GRID2: variants seen among roughly 807,000 people sequenced by gnomAD.
GRID2 encodes the protein glutamate receptor ionotropic, delta-2.
In GRID2, 33 loss-of-function variants were observed where a neutral mutation model predicts 114.8. That is an observed-to-expected ratio of 0.29 (90% CI 0.22 to 0.38). The LOEUF (loss-of-function observed/expected upper bound fraction) is 0.38. Ranked by LOEUF, GRID2 falls within the 10% of genes least tolerant of loss-of-function variation. The probability of loss-of-function intolerance (pLI) is 1.00; values close to 1 mark genes in which losing one functional copy is unlikely to be tolerated. For missense variants in GRID2, 1,184 were observed against 1,257.7 expected, an observed-to-expected ratio of 0.94 and a Z score of 0.89; for synonymous variants, 505 against 449.9, an observed-to-expected ratio of 1.12 and a Z score of -1.55.
At chr4:93,171,277 G>A (rs1738792861) in intron 4 of GRID2, among the ~76,000 whole-genome samples, 1 of 152,066 alleles carries the variant, frequency 6.6e-6, no homozygotes, top group African/African-American at 2.4e-5. Flanking sequence ...TCTCAACTGT[G>A]TGGTCTTTCC....
At chr4:93,071,334 A>G (rs1728785819) in intron 2 of GRID2, among the ~76,000 whole-genome samples, 1 of 152,094 alleles carries the variant, frequency 6.6e-6, no homozygotes, top group Non-Finnish European at 1.5e-5. Flanking sequence ...CATTCACGAC[A>G]TGTTCATTAG....
At chr4:93,356,533 GCTTA>G (rs761691831) in intron 8 of GRID2, among the ~76,000 whole-genome samples, 1 of 151,566 alleles carries the variant, frequency 6.6e-6, no homozygotes, top group Non-Finnish European at 1.5e-5. Context: ...TGAATTGAAT[GCTTA>G]CTTCATGTAT....
chr4:92,946,702 A>G (rs901815052), intron 2 of GRID2, among the ~76,000 whole-genome samples: 1 of 152,096 alleles, frequency 6.6e-6, no homozygotes, highest in Non-Finnish European at 1.5e-5. Flanking sequence ...CATCAGATGG[A>G]CAGAAAGTCT....
chr4:93,092,906 C>T (rs1730908656), intron 3 of GRID2, among the ~76,000 whole-genome samples: 1 of 151,872 alleles, frequency 6.6e-6, no homozygotes, highest in Admixed American at 6.6e-5. Context: ...TTGTACAGAG[C>T]TATGAGAACA....
chr4:92,641,640 A>C (rs1731358591), intron 2 of GRID2, among the ~76,000 whole-genome samples: 1 of 151,864 alleles, frequency 6.6e-6, no homozygotes, highest in East Asian at 1.9e-4. Context: ...ATAATCATAT[A>C]TGCTTGAAGT....
Position 93,331,691 on chromosome 4 carries a change from A to G in GRID2, c.1246-63916A>G, listed in dbSNP as rs562586180. On this transcript the variant is annotated intron_variant, in intron 8 of 15. Coordinates refer to ENST00000282020, the MANE Select transcript of GRID2 (RefSeq NM_001510.4). ...TACATACACATATATAGGAGTTAAT[A>G]TAGCAAAATGCATTAGTGTGCAGGA... 2.0e-5 allele frequency among the ~76,000 whole-genome samples: 3 copies of G among 152,266 alleles called. No individual in the cohort carries two copies. In the South Asian group the frequency reaches 6.2e-4, roughly 32 times the overall value.
chr4:93,348,920 G>A (rs1208299098), intron 8 of GRID2, among the ~76,000 whole-genome samples: 1 of 152,104 alleles, frequency 6.6e-6, no homozygotes, highest in African/African-American at 2.4e-5. Context: ...GACAATAATG[G>A]GTACTCAGCA....
chr4:92,539,419 G>A (rs959104083), intron 1 of GRID2, among the ~76,000 whole-genome samples: 6 of 151,846 alleles, frequency 4.0e-5, no homozygotes, highest in African/African-American at 1.5e-4. Context: ...ATTTTTTCAA[G>A]GTAGAAATAT....
intron 5 of GRID2, 68 bp downstream of exon 5, chr4:93,207,525 A>G (rs970679409): frequency 3.1e-6 from 3 of 955,714 alleles, no homozygotes; most frequent in Non-Finnish European, 4.9e-6. Flanking sequence ...TAGCATTTCC[A>G]ATGGCCTTGA....
At chr4:93,300,450 T>C (rs1754744424) in intron 8 of GRID2, among the ~76,000 whole-genome samples, 1 of 152,174 alleles carries the variant, frequency 6.6e-6, no homozygotes, top group Non-Finnish European at 1.5e-5. Flanking sequence ...TGTTAAGTAG[T>C]GAAGAATGCA....
chr4:93,591,857 G>A (rs184947874), intron 13 of GRID2, among the ~76,000 whole-genome samples: 1 of 152,274 alleles, frequency 6.6e-6, no homozygotes, highest in Middle Eastern at 3.4e-3. Flanking sequence ...GGTGTTTATA[G>A]TATTCTCTGA....
At chr4:92,375,205 A>C (rs1295581796) in intron 1 of GRID2, among the ~76,000 whole-genome samples, 1 of 152,176 alleles carries the variant, frequency 6.6e-6, no homozygotes, top group African/African-American at 2.4e-5. Context: ...TATAAACTTA[A>C]ATTTATACCA....
intron 8 of GRID2, among the ~76,000 whole-genome samples, chr4:93,372,834 A>G (rs1763058711): frequency 6.6e-6 from 1 of 152,132 alleles, no homozygotes; most frequent in Non-Finnish European, 1.5e-5. Flanking sequence ...TCTCACTACT[A>G]ATGCCCAACT....
At chr4:92,661,352 A>C (rs1732508791) in intron 2 of GRID2, among the ~76,000 whole-genome samples, 1 of 150,850 alleles carries the variant, frequency 6.6e-6, no homozygotes, top group Admixed American at 6.6e-5. Context: ...CATTTTCCTA[A>C]ATTTAAAAAT....
At chr4:92,931,429 T>C (rs931067897) in intron 2 of GRID2, among the ~76,000 whole-genome samples, 10 of 150,910 alleles carry the variant, frequency 6.6e-5, no homozygotes, top group Admixed American at 2.7e-4. Flanking sequence ...ACAGGCAAGA[T>C]CTCTTCCTAC....
chr4:92,671,303 A>C (rs986661313), intron 2 of GRID2, among the ~76,000 whole-genome samples: 1 of 151,532 alleles, frequency 6.6e-6, no homozygotes, highest in Non-Finnish European at 1.5e-5. Context: ...TGATCCAAAC[A>C]CCTCCCACCA....
At chr4:92,796,427 A>G (rs182897969) in intron 2 of GRID2, among the ~76,000 whole-genome samples, 2 of 152,064 alleles carry the variant, frequency 1.3e-5, no homozygotes, top group Non-Finnish European at 1.5e-5. Context: ...TACAACCGAA[A>G]GACTGACAGC....
intron 4 of GRID2, among the ~76,000 whole-genome samples, chr4:93,177,895 C>T (rs1739495581): frequency 1.3e-5 from 2 of 151,962 alleles, no homozygotes; most frequent in African/African-American, 2.4e-5. Flanking sequence ...TAATGCTATA[C>T]AGTCATTTAC....
intron 13 of GRID2, among the ~76,000 whole-genome samples, chr4:93,611,750 TG>T (rs1369948124): frequency 8.7e-5 from 12 of 137,410 alleles, no homozygotes; most frequent in Non-Finnish European, 1.9e-4. Flanking sequence ...TGGTCAATTT[TG>T]GAATAGGTGT....
Sources: gnomAD v4.1 joint callset for allele counts (sites outside exome capture counted in the v4.1 genomes callset) on GRCh38, gnomAD v4.1.1 for gene constraint, MANE v1.5 for transcripts, NCBI Gene and HGNC (gene_info 2026-07-23, HGNC 2026-07-21) for gene names.